The following DOCK2 variants were observed in gnomAD, a reference collection of about 807,000 sequenced individuals.
DOCK2 encodes the protein dedicator of cytokinesis protein 2.
Under a neutral mutation model 248.9 loss-of-function variants are expected in DOCK2, and 87 were observed. The ratio of observed to expected loss-of-function variants is 0.35; its 90% confidence interval spans 0.29 to 0.42. The LOEUF (loss-of-function observed/expected upper bound fraction) is 0.42, where lower values mean the gene tolerates loss of function less well. Among genes scored for constraint, DOCK2 ranks in the 10% least tolerant of loss-of-function variants. The pLI is 1.00. For missense variants in DOCK2, 1,747 were observed against 2,300.2 expected, an observed-to-expected ratio of 0.76 and a Z score of 4.92; for synonymous variants, 805 against 821.6, an observed-to-expected ratio of 0.98 and a Z score of 0.35.
chr5:170,082,591 A>G (rs1226135313), intron 51 of DOCK2, among the ~76,000 whole-genome samples: 1 of 152,146 alleles, frequency 6.6e-6, no homozygotes. Context: ...TGAGGTGCCC[A>G]AGTCCACATG....
At chr5:169,955,222 G>A (rs1776814209) in intron 27 of DOCK2, among the ~76,000 whole-genome samples, 2 of 152,204 alleles carry the variant, frequency 1.3e-5, no homozygotes, top group South Asian at 4.1e-4. Context: ...GGTCCTGCAG[G>A]AGAAGGGGAG....
chr5:169,895,282 C>T (rs1490689539), intron 27 of DOCK2, among the ~76,000 whole-genome samples: 1 of 152,210 alleles, frequency 6.6e-6, no homozygotes, highest in Non-Finnish European at 1.5e-5. Context: ...TTCCTCCCTT[C>T]CTTTCTCTCC....
chr5:169,883,198 T>C, intron 27 of DOCK2: 2 of 1,551,464 alleles, frequency 1.3e-6, no homozygotes, highest in Non-Finnish European at 1.7e-6. Flanking sequence ...ATCCAAAGGG[T>C]GTATGGAGTT....
At position 169,669,435 on chromosome 5, in the gene DOCK2, C is replaced by A. The variant is rs1362992172; in HGVS notation, c.168+107C>A. On this transcript the variant is annotated intron_variant, in intron 3 of 51. Coordinates refer to ENST00000520908, the MANE Select transcript of DOCK2 (RefSeq NM_004946.3). ...ACCATTGCTCCTCAGCAAAGGGAATCCATCTCTCCCTCCTGTGCCCTGTGC... is the reference window on the plus strand; with the variant it reads ...ACCATTGCTCCTCAGCAAAGGGAATACATCTCTCCCTCCTGTGCCCTGTGC... 5 of 1,230,120 alleles carry A rather than the reference C, an allele frequency of 4.1e-6. No homozygotes were observed. The East Asian group carries it at 7.0e-5, about 17-fold the overall frequency. The allele number at this position is 1,230,120 out of a possible 1,614,324, so 76.2% of individuals were successfully genotyped here.
intron 27 of DOCK2, among the ~76,000 whole-genome samples, chr5:169,871,254 T>C (rs1771951302): frequency 6.6e-6 from 1 of 152,190 alleles, no homozygotes; most frequent in Non-Finnish European, 1.5e-5. Flanking sequence ...ATTTTTCTGC[T>C]TAAAGAAGGA....
intron 27 of DOCK2, among the ~76,000 whole-genome samples, chr5:169,919,357 C>T (rs902335196): frequency 1.3e-5 from 2 of 152,172 alleles, no homozygotes; most frequent in African/African-American, 4.8e-5. Flanking sequence ...TACTGCGTTG[C>T]CTTCCCTCCA....
chr5:169,845,995 C>G (rs751855431), intron 27 of DOCK2, among the ~76,000 whole-genome samples: 26 of 152,266 alleles, frequency 1.7e-4, no homozygotes, highest in Non-Finnish European at 3.4e-4. Flanking sequence ...TCAAGGGTCC[C>G]TGTCTTAGCA....
Position 169,955,115 on chromosome 5 carries a change from C to G in DOCK2, c.2800-27953C>G, listed in dbSNP as rs369348293. Among the ~76,000 whole-genome samples, 14 of 152,296 alleles carry G rather than the reference C, an allele frequency of 9.2e-5. No homozygotes were observed. The East Asian group carries it at 2.5e-3, about 27-fold the overall frequency. On this transcript the variant is annotated intron_variant, in intron 27 of 51. Transcript: ENST00000520908. ...GAAGCAAGGCAACCCCATAACCTTG[C>G]AGAGATTCAGGAATGATGGAAGCTG...
intron 14 of DOCK2, among the ~76,000 whole-genome samples, chr5:169,705,309 C>T (rs747923387): frequency 1.3e-5 from 2 of 152,144 alleles, no homozygotes; most frequent in Non-Finnish European, 2.9e-5. Flanking sequence ...ACAGGCAATC[C>T]AGCCAGAAGC....
rs772896741 is a variant in DOCK2, at chr5:170,042,177, A to G, written c.3876+45A>G. On this transcript the variant is annotated intron_variant, in intron 38 of 51. Transcript: ENST00000520908. Reference sequence around the variant, plus strand: ...CCCCCGTGGGGACCCTGGCCACTGGAAGGATGGTTCTCTCCCATACCTTAC... The same window carrying G: ...CCCCCGTGGGGACCCTGGCCACTGGGAGGATGGTTCTCTCCCATACCTTAC... The G allele has an allele frequency of 3.9e-6, 6 of 1,556,688 alleles. No individual in the cohort carries two copies. The South Asian group carries it at 7.2e-5, about 19-fold the overall frequency.
intron 13 of DOCK2, among the ~76,000 whole-genome samples, chr5:169,700,492 T>C (rs1183925606): frequency 6.6e-6 from 1 of 152,050 alleles, no homozygotes; most frequent in East Asian, 1.9e-4. Context: ...AGTTGCACTC[T>C]TTCTGGGAGA....
In DOCK2 at chr5:170,056,739, G is replaced by A. The variant is rs1329445070; in HGVS notation, c.4351G>A (p.Gly1451Arg). Residue 1451 changes from glycine to arginine, a missense_variant, in exon 43 of 52, where the codon GGG (glycine) becomes AGG (arginine). Coordinates refer to ENST00000520908, the MANE Select transcript of DOCK2 (RefSeq NM_004946.3). ...RFHYSRPVRR[G>R]TVDPENEFAS... ...CCACTACTCCCGGCCCGTGCGCAGG[G>A]GGACCGTAGACCCAGAGAATGAGTT... The A allele has an allele frequency of 2.5e-6, 4 of 1,613,902 alleles. No individual in the cohort carries two copies. The highest frequency in any genetic ancestry group is 3.4e-6 in the Non-Finnish European group (4 of 1,179,964).
chr5:170,041,010 T>C (rs1756495486), intron 36 of DOCK2, 45 bp from the exon 37 acceptor site: 1 of 1,571,820 alleles, frequency 6.4e-7, no homozygotes, highest in African/African-American at 1.4e-5. Flanking sequence ...AGGTGTCTCC[T>C]TTTCACTGCA....
chr5:169,741,949 A>C (rs1403845589), intron 22 of DOCK2, among the ~76,000 whole-genome samples: 2 of 151,636 alleles, frequency 1.3e-5, no homozygotes, highest in African/African-American at 4.9e-5. Context: ...AGCTGAGACT[A>C]CAGGCGCCCA....
intron 44 of DOCK2, among the ~76,000 whole-genome samples, chr5:170,063,519 A>G (rs1561904664): frequency 6.6e-6 from 1 of 152,226 alleles, no homozygotes; most frequent in Non-Finnish European, 1.5e-5. Context: ...CCTGGCAGCT[A>G]ACAAACTTGC....
intron 25 of DOCK2, among the ~76,000 whole-genome samples, chr5:169,774,847 A>C (rs956049232): frequency 5.3e-5 from 8 of 152,062 alleles, no homozygotes; most frequent in Admixed American, 5.2e-4. Flanking sequence ...TTCCTCCCTA[A>C]AACACAGTGC....
intron 4 of DOCK2, 52 bp downstream of exon 4, chr5:169,670,649 C>T (rs1221110542): frequency 1.3e-6 from 2 of 1,594,058 alleles, no homozygotes; most frequent in Non-Finnish European, 1.7e-6. Flanking sequence ...ATGGATGTCT[C>T]TGTCCTGTTT....
At chr5:169,768,020 C>T (rs1029805377) in intron 25 of DOCK2, among the ~76,000 whole-genome samples, 1 of 152,188 alleles carries the variant, frequency 6.6e-6, no homozygotes, top group African/African-American at 2.4e-5. Flanking sequence ...AGGTCATATG[C>T]CTTTTGTCCC....
intron 25 of DOCK2, among the ~76,000 whole-genome samples, chr5:169,798,030 A>G (rs1325150909): frequency 2.0e-5 from 3 of 152,172 alleles, no homozygotes; most frequent in Non-Finnish European, 4.4e-5. Context: ...GACTCTCCAC[A>G]CCATGAGCCT....
Sources: allele counts gnomAD v4.1 joint callset (sites outside exome capture counted in the v4.1 genomes callset), GRCh38; gene constraint gnomAD v4.1.1; transcripts MANE v1.5; gene names NCBI Gene and HGNC (gene_info 2026-07-23, HGNC 2026-07-21).